Variants in ADGRL2 observed in about 807,000 individuals in gnomAD.
ADGRL2 encodes the protein adhesion G protein-coupled receptor L2.
A neutral mutation model predicts 157.4 loss-of-function variants in ADGRL2; 44 were observed. The ratio of observed to expected loss-of-function variants is 0.28; its 90% CI spans 0.22 to 0.36. The LOEUF (loss-of-function observed/expected upper bound fraction) is 0.36, where lower values mean the gene tolerates loss of function less well. Among genes scored for constraint, ADGRL2 ranks in the 10% least tolerant of loss-of-function variants. The probability of loss-of-function intolerance (pLI) is 1.00; values close to 1 mark genes in which losing one functional copy is unlikely to be tolerated. For missense variants in ADGRL2, 1,510 were observed against 1,768.9 expected, an observed-to-expected ratio of 0.85 and a Z score of 2.63; for synonymous variants, 585 against 624.7, an observed-to-expected ratio of 0.94 and a Z score of 0.95.
intron 2 of ADGRL2, among the ~76,000 whole-genome samples, chr1:81,497,989 G>A (rs1021684504): frequency 1.3e-5 from 2 of 152,092 alleles, no homozygotes; most frequent in African/African-American, 2.4e-5. Flanking sequence ...GGCAGATCAC[G>A]AGGTCAGGAG....
At chr1:81,343,462 A>G (rs985224014) in intron 1 of ADGRL2, among the ~76,000 whole-genome samples, 6 of 152,350 alleles carry the variant, frequency 3.9e-5, no homozygotes, top group South Asian at 4.1e-4. Flanking sequence ...TTAAGGGCCA[A>G]TGAAAGATTA....
At chr1:81,350,614 A>G (rs1557618356) in intron 1 of ADGRL2, among the ~76,000 whole-genome samples, 1 of 152,236 alleles carries the variant, frequency 6.6e-6, no homozygotes, top group Non-Finnish European at 1.5e-5. Flanking sequence ...ACGGAAATAT[A>G]AAGAAAGCAC....
intron 3 of ADGRL2, among the ~76,000 whole-genome samples, chr1:81,585,699 T>C (rs1334794361): frequency 6.6e-6 from 1 of 152,158 alleles, no homozygotes; most frequent in African/African-American, 2.4e-5. Flanking sequence ...GTGGGATTAT[T>C]GTGCTTGCCT....
chr1:81,719,976 A>G (rs1032790264), intron 1 of ADGRL2, among the ~76,000 whole-genome samples: 4 of 152,096 alleles, frequency 2.6e-5, no homozygotes, highest in Non-Finnish European at 4.4e-5. Flanking sequence ...ACCCCCTGCC[A>G]TTTTTAGAAA....
At chr1:81,505,198 CCACACA>C (rs371854437) in intron 2 of ADGRL2, 48,947 of 502,796 alleles carry the variant, frequency 0.097, 1,619 homozygotes, top group East Asian at 0.23. Context: ...ACCCCCACTC[CCACACA>C]CACACACACA....
chr1:81,802,726 G>T (rs541803523), intron 1 of ADGRL2, among the ~76,000 whole-genome samples: 2 of 152,274 alleles, frequency 1.3e-5, no homozygotes, highest in East Asian at 3.9e-4. Context: ...TTTGCCCTCC[G>T]GTCCCGCACT....
chr1:81,941,992 T>C (rs768514366), intron 4 of ADGRL2, 42 bp from the exon 5 acceptor site: 2 of 761,488 alleles, frequency 2.6e-6, no homozygotes, highest in South Asian at 2.8e-5. Context: ...TCTTTTTTCC[T>C]TGCACCTTTT....
In ADGRL2 at chr1:81,733,350, G is replaced by A. The variant is rs188462266; in HGVS notation, c.-142-28461G>A. 1.8e-4 allele frequency among the ~76,000 whole-genome samples: 28 copies of A among 152,290 alleles called. 1 individual carries two copies. Among genetic ancestry groups the A allele is most frequent in the Admixed American group, 4.6e-4 (7 of 15,300 alleles). The stretch of plus-strand genomic sequence containing the variant: ...GGCTTAAGCCACAGAAATCTCTCAC[G>A]GTTCTGGAGGCTAGAAGTCTGAGAC... On this transcript the variant is annotated intron_variant, in intron 1 of 20. Transcript: ENST00000359929.
rs112481314 is a variant in ADGRL2 at position 81,596,680 on chromosome 1, CT to C, written c.-143+15711del. 9.9e-3 allele frequency among the ~76,000 whole-genome samples: 1,444 copies of C among 146,504 alleles called. 34 individuals carry two copies. The highest frequency in any genetic ancestry group is 0.032 in the African/African-American group (1,285 of 40,260). ...TTATTTCCAGAATCCCTAGATTTTA[CT>C]TTTTTTTTTTGGACAGTTTTCTGAG... On this transcript the variant is annotated intron_variant, in intron 3 of 24. Transcript: ENST00000370721.
At chr1:81,819,009 G>T (rs1217926583) in intron 1 of ADGRL2, among the ~76,000 whole-genome samples, 1 of 152,062 alleles carries the variant, frequency 6.6e-6, no homozygotes, top group East Asian at 1.9e-4. Flanking sequence ...TGTTAGTTTG[G>T]GACATGATTA....
intron 1 of ADGRL2, among the ~76,000 whole-genome samples, chr1:81,824,078 T>C (rs1161062103): frequency 6.6e-6 from 1 of 152,194 alleles, no homozygotes; most frequent in Non-Finnish European, 1.5e-5. Flanking sequence ...ACTTACTCTC[T>C]TAATTACATT....
chr1:81,767,589 C>T (rs958658005), intron 2 of ADGRL2, among the ~76,000 whole-genome samples: 14 of 151,948 alleles, frequency 9.2e-5, no homozygotes, highest in African/African-American at 2.9e-4. Context: ...AATGAAATTG[C>T]GGCTGGACAT....
At chr1:81,542,688 G>C (rs1170930720) in intron 2 of ADGRL2, among the ~76,000 whole-genome samples, 1 of 152,128 alleles carries the variant, frequency 6.6e-6, no homozygotes, top group Non-Finnish European at 1.5e-5. Context: ...CTATTATTTT[G>C]ATTATCAATT....
intron 3 of ADGRL2, among the ~76,000 whole-genome samples, chr1:81,614,388 T>G (rs1265085742): frequency 6.6e-6 from 1 of 152,182 alleles, no homozygotes; most frequent in Non-Finnish European, 1.5e-5. Context: ...ACCTAATCAA[T>G]CTCTCCATTC....
At chr1:81,688,472 T>C (rs1471611304) in intron 3 of ADGRL2, among the ~76,000 whole-genome samples, 1 of 152,176 alleles carries the variant, frequency 6.6e-6, no homozygotes, top group African/African-American at 2.4e-5. Flanking sequence ...TGCTTGTACT[T>C]TCCAGAGCAT....
chr1:81,893,043 A>T (rs912133066), intron 2 of ADGRL2, among the ~76,000 whole-genome samples: 1 of 152,166 alleles, frequency 6.6e-6, no homozygotes, highest in Non-Finnish European at 1.5e-5. Flanking sequence ...AAATGGCAGA[A>T]CTAGAATTCA....
chr1:81,848,115 C>G (rs1246401916), intron 2 of ADGRL2, among the ~76,000 whole-genome samples: 2 of 151,640 alleles, frequency 1.3e-5, no homozygotes, highest in African/African-American at 4.8e-5. Context: ...TTTCCCTTTT[C>G]TTTCAGAGGC....
At chr1:81,957,560 T>C (rs138384123) in intron 11 of ADGRL2, among the ~76,000 whole-genome samples, 2,502 of 151,586 alleles carry the variant, frequency 0.017, 44 homozygotes, top group South Asian at 0.06. Flanking sequence ...GAAAAAAAAA[T>C]AGCTGGACAT....
chr1:81,777,406 G>T (rs2086629842), intron 2 of ADGRL2, among the ~76,000 whole-genome samples: 1 of 152,156 alleles, frequency 6.6e-6, no homozygotes, highest in Non-Finnish European at 1.5e-5. Context: ...TTAGTGTTTT[G>T]GTCCCAAGGC....
Sources: allele counts gnomAD v4.1 joint callset (sites outside exome capture counted in the v4.1 genomes callset), GRCh38; gene constraint gnomAD v4.1.1; transcripts MANE v1.5; gene names NCBI Gene and HGNC (gene_info 2026-07-23, HGNC 2026-07-21).